The following MDGA2 variants were observed in gnomAD, a reference collection of about 807,000 sequenced individuals.
The protein encoded by MDGA2 is MAM domain containing glycosylphosphatidylinositol anchor 2.
A neutral mutation model predicts 117.8 loss-of-function variants in MDGA2; 40 were observed. The observed-to-expected ratio is 0.34, with a 90% CI of 0.26 to 0.44. MDGA2 has a LOEUF of 0.44. MDGA2 is among the 20% of genes least tolerant of loss of function. The pLI, the probability that MDGA2 is intolerant of heterozygous loss-of-function variation, is 1.00. For missense variants in MDGA2, 1,123 were observed against 1,250.6 expected (o/e 0.90, Z 1.54); for synonymous variants, 452 against 439.0 (o/e 1.03, Z -0.37).
intron 10 of MDGA2, among the ~76,000 whole-genome samples, chr14:46,887,646 C>T (rs962140745): frequency 2.6e-5 from 4 of 151,874 alleles, no homozygotes; most frequent in African/African-American, 9.7e-5. Context: ...ACAGAAAGCA[C>T]TTATCTTTCA....
intron 10 of MDGA2, among the ~76,000 whole-genome samples, chr14:46,888,811 A>G (rs1186193758): frequency 4.6e-5 from 7 of 151,938 alleles, no homozygotes; most frequent in African/African-American, 1.7e-4. Flanking sequence ...GAGGAAATGC[A>G]ACAACTGAAT....
intron 1 of MDGA2, among the ~76,000 whole-genome samples, chr14:47,566,678 C>T (rs1895925408): frequency 6.6e-6 from 1 of 152,114 alleles, no homozygotes; most frequent in South Asian, 2.1e-4. Context: ...GCCTGCTTAA[C>T]ACACTCATTC....
chr14:47,177,187 T>A (rs1884496732), intron 3 of MDGA2, among the ~76,000 whole-genome samples: 1 of 152,150 alleles, frequency 6.6e-6, no homozygotes, highest in Non-Finnish European at 1.5e-5. Context: ...ATAGGAACAC[T>A]TTTACACTGT....
At chr14:47,584,590 A>C (rs973340885) in intron 1 of MDGA2, among the ~76,000 whole-genome samples, 2 of 151,766 alleles carry the variant, frequency 1.3e-5, no homozygotes, top group African/African-American at 4.8e-5. Context: ...TGATTCAGAA[A>C]TTTAGAGCCT....
rs17684010 is a variant in MDGA2 at position 47,493,128 on chromosome 14, C to T, written c.280+181389G>A. 4.4e-3 allele frequency among the ~76,000 whole-genome samples: 668 copies of T among 151,854 alleles called. 5 individuals carry two copies. The highest frequency in any genetic ancestry group is 6.8e-3 in the Non-Finnish European group (460 of 67,914). ...ACATTTGTTAATTCTACATTTTAAA[C>T]TATCTTTGCAATCTTTAAGGTAAGA... is the stretch of plus-strand genomic sequence containing the variant. On this transcript the variant is annotated intron_variant, in intron 1 of 16. Transcript: ENST00000399232.
chr14:46,932,874 C>G (rs377437576), intron 9 of MDGA2, among the ~76,000 whole-genome samples: 6 of 150,824 alleles, frequency 4.0e-5, no homozygotes, highest in African/African-American at 7.3e-5. Context: ...CAGATAATCA[C>G]GAGAAATATA....
chr14:47,255,417 C>A (rs1428868320), intron 2 of MDGA2, among the ~76,000 whole-genome samples: 1 of 152,102 alleles, frequency 6.6e-6, no homozygotes, highest in Non-Finnish European at 1.5e-5. Flanking sequence ...TAAGATATAA[C>A]ATGATCAGAT....
At chr14:47,280,074 G>A (rs1005951872) in intron 2 of MDGA2, among the ~76,000 whole-genome samples, 1 of 151,514 alleles carries the variant, frequency 6.6e-6, no homozygotes, top group Non-Finnish European at 1.5e-5. Context: ...AGCACTTCTG[G>A]GAGGCCGAGG....
rs563227461 is a variant in MDGA2, at chr14:47,116,467, T to C, written c.925+15247A>G. Among the ~76,000 whole-genome samples, 17 of 152,072 alleles carry C rather than the reference T, an allele frequency of 1.1e-4. 1 individual carries two copies. The highest frequency in any genetic ancestry group is 3.6e-4 in the African/African-American group (15 of 41,508). ...CAAATAGCCAAATCAATCTTGAGGA[T>C]GGAGAACAAAGCAGGAGTTAGCACA... On this transcript the variant is annotated intron_variant, in intron 5 of 16. Coordinates refer to ENST00000399232, the MANE Select transcript of MDGA2 (RefSeq NM_001113498.3).
chr14:47,054,574 T>A (rs1320545741), intron 7 of MDGA2, among the ~76,000 whole-genome samples: 1 of 151,240 alleles, frequency 6.6e-6, no homozygotes, highest in Non-Finnish European at 1.5e-5. Context: ...TGTTTGGTTT[T>A]TTGTCCTTGC....
chr14:47,411,775 T>C (rs1266150852), intron 1 of MDGA2, among the ~76,000 whole-genome samples: 3 of 152,150 alleles, frequency 2.0e-5, no homozygotes, highest in Admixed American at 1.3e-4. Flanking sequence ...TGCTTATCAA[T>C]GCATATTCTA....
intron 1 of MDGA2, among the ~76,000 whole-genome samples, chr14:47,628,366 G>A (rs1174174982): frequency 2.0e-5 from 3 of 152,168 alleles, no homozygotes; most frequent in South Asian, 2.1e-4. Flanking sequence ...CTGAGAACAC[G>A]TTGGTTTTGT....
At position 47,218,159 on chromosome 14, in the gene MDGA2, T is replaced by C. The variant is rs748032135; in HGVS notation, c.457A>G (p.Arg153Gly). Residue 153 changes from arginine (R) to glycine (G), a missense_variant, in exon 3 of 17, where the codon AGA becomes GGA. Arg to Gly is a moderately radical substitution (Grantham distance 125). Around this residue, in one of 2 missense-constraint regions of MDGA2, gnomAD observed 233 missense variants for 200.3 expected, o/e 1.16. Coordinates refer to ENST00000399232, the MANE Select transcript of MDGA2 (RefSeq NM_001113498.3). ...TTGAAGACACTTGAGTCTTGGAATC[T>C]GTCAGAGGCACTTCCTGCTGTTTTG... ...WTKTAGSASD[R>G]FQDSSVFNET... 6 of 1,550,928 alleles carry C rather than the reference T, an allele frequency of 3.9e-6. No individual in the cohort carries two copies. The highest frequency in any genetic ancestry group is 1.2e-5 in the South Asian group (1 of 84,004).
At chr14:47,130,444 G>A (rs556206147) in intron 5 of MDGA2, among the ~76,000 whole-genome samples, 1 of 152,168 alleles carries the variant, frequency 6.6e-6, no homozygotes, top group African/African-American at 2.4e-5. Flanking sequence ...CTGAACCATA[G>A]GAGGGTCCCA....
chr14:47,295,831 G>T (rs952846892), intron 2 of MDGA2, among the ~76,000 whole-genome samples: 1 of 152,096 alleles, frequency 6.6e-6, no homozygotes, highest in Admixed American at 6.6e-5. Flanking sequence ...TTGAACCCAA[G>T]AGGCGGAGGT....
At chr14:47,321,823 T>G (rs1889988719) in intron 1 of MDGA2, among the ~76,000 whole-genome samples, 1 of 152,204 alleles carries the variant, frequency 6.6e-6, no homozygotes, top group South Asian at 2.1e-4. Flanking sequence ...ATGCCTTTAC[T>G]TCCATCTTCT....
intron 1 of MDGA2, among the ~76,000 whole-genome samples, chr14:47,635,456 T>C (rs1332595674): frequency 6.6e-6 from 1 of 152,168 alleles, no homozygotes; most frequent in Non-Finnish European, 1.5e-5. Flanking sequence ...TTACAAATAA[T>C]AATACTTTTT....
intron 1 of MDGA2, among the ~76,000 whole-genome samples, chr14:47,558,268 A>G (rs1895725070): frequency 6.6e-6 from 1 of 152,200 alleles, no homozygotes; most frequent in South Asian, 2.1e-4. Context: ...ATAACCTGTG[A>G]TAGGGTTGGG....
intron 1 of MDGA2, among the ~76,000 whole-genome samples, chr14:47,634,370 T>C (rs976881854): frequency 3.3e-5 from 5 of 152,050 alleles, no homozygotes; most frequent in African/African-American, 7.2e-5. Context: ...TATATAATCA[T>C]ATCAAGAAGT....
Sources: allele counts gnomAD v4.1 joint callset (sites outside exome capture counted in the v4.1 genomes callset), GRCh38; gene constraint gnomAD v4.1.1; regional missense constraint gnomAD v4.1.1; transcripts MANE v1.5; gene names NCBI Gene and HGNC (gene_info 2026-07-23, HGNC 2026-07-21).